ARHGAP8: variants seen among roughly 807,000 people sequenced by gnomAD.
ARHGAP8 encodes rho GTPase-activating protein 8.
In ARHGAP8, 62 loss-of-function variants were observed where a neutral mutation model predicts 46.1. The ratio of observed to expected loss-of-function variants is 1.34; its 90% CI spans 1.10 to 1.66. The LOEUF (loss-of-function observed/expected upper bound fraction) is 1.66. Among genes scored for constraint, ARHGAP8 ranks in the 40% most tolerant of loss-of-function variants. ARHGAP8 has a pLI of 0.00. For synonymous variants in ARHGAP8, 375 were observed against 243.1 expected (o/e 1.54, Z -5.05); for missense variants, 923 against 568.4 (o/e 1.62, Z -6.34).
chr22:44,860,609 T>G (rs963785278), intron 11 of ARHGAP8, among the ~76,000 whole-genome samples: 3 of 147,642 alleles, frequency 2.0e-5, no homozygotes, highest in Admixed American at 6.9e-5. Context: ...CTCTGTGGTC[T>G]ATCTTAGAGG....
chr22:44,813,610 CACTT>C (rs1211839943), intron 4 of ARHGAP8, among the ~76,000 whole-genome samples: 1 of 151,650 alleles, frequency 6.6e-6, no homozygotes, highest in African/African-American at 2.4e-5. Flanking sequence ...CACCTACACA[CACTT>C]ACGCTTACTT....
Position 44,862,540 on chromosome 22 carries a change from T to G in ARHGAP8, c.1247T>G (p.Leu416Arg), listed in dbSNP as rs764103122. 1.2e-6 allele frequency: 2 copies of G among 1,606,594 alleles called. No homozygotes were observed. Among genetic ancestry groups the G allele is most frequent in the South Asian group, 1.1e-5 (1 of 90,754 alleles). ...EAVPRTQATG[L>R]TKPTLPPSPL... ...GTGCCACGGACACAAGCCACGGGCC[T>G]CACCAAGCCTACCCTACCTCCGAGT... Residue 416 changes from leucine to arginine, a missense_variant, in exon 12 of 12, where the codon CTC becomes CGC. Physicochemically the swap from Leu to Arg is moderately radical, Grantham distance 102 (BLOSUM62 -2). Transcript: ENST00000356099.
chr22:44,816,310 C>T (rs1243113308), intron 5 of ARHGAP8, among the ~76,000 whole-genome samples: 1 of 152,150 alleles, frequency 6.6e-6, no homozygotes, highest in Non-Finnish European at 1.5e-5. Context: ...GTCTCCTTCC[C>T]ATTTCCCCAT....
chr22:44,836,620 C>T (rs937805184), intron 7 of ARHGAP8, among the ~76,000 whole-genome samples: 5 of 151,466 alleles, frequency 3.3e-5, no homozygotes, highest in Non-Finnish European at 5.9e-5. Flanking sequence ...GCCCATTTCT[C>T]TGGGCATCCA....
chr22:44,768,093 G>A (rs1299092062), intron 1 of ARHGAP8, among the ~76,000 whole-genome samples: 2 of 128,692 alleles, frequency 1.6e-5, no homozygotes, highest in African/African-American at 5.9e-5. Context: ...TCCACCTCCC[G>A]AGTTCAAGCA....
chr22:44,858,532 G>GTTTTTTT (rs1569184837), intron 10 of ARHGAP8, among the ~76,000 whole-genome samples: 3 of 12,688 alleles, frequency 2.4e-4, no homozygotes, highest in Admixed American at 2.2e-3. Flanking sequence ...ACCATACCCG[G>GTTTTTTT]CTTTTTTTTT....
intron 10 of ARHGAP8, among the ~76,000 whole-genome samples, chr22:44,856,028 G>A (rs2070212382): frequency 6.6e-6 from 1 of 152,042 alleles, no homozygotes; most frequent in Admixed American, 6.6e-5. Context: ...GTGAGGTCAT[G>A]CCACACACTT....
At chr22:44,839,423 C>T (rs2285117) in intron 7 of ARHGAP8, among the ~76,000 whole-genome samples, 37,005 of 152,112 alleles carry the variant, frequency 0.24, 4,661 homozygotes, top group East Asian at 0.42. Flanking sequence ...TTCTAATCAC[C>T]GTTTAAGTGG....
chr22:44,807,302 C>T (rs945242070), intron 3 of ARHGAP8, among the ~76,000 whole-genome samples: 1 of 152,174 alleles, frequency 6.6e-6, no homozygotes, highest in Non-Finnish European at 1.5e-5. Context: ...GATGGCAGGG[C>T]AAGCCCTTTC....
At chr22:44,756,326 G>T (rs1175213811) in intron 1 of ARHGAP8, among the ~76,000 whole-genome samples, 1 of 152,164 alleles carries the variant, frequency 6.6e-6, no homozygotes, top group Non-Finnish European at 1.5e-5. Context: ...GGTTGACCCC[G>T]TGTGGCACTC....
rs949078534 is a variant in ARHGAP8 at position 44,802,088 on chromosome 22, T to G, written c.91T>G (p.Phe31Val). The G allele has an allele frequency of 1.2e-6, 2 of 1,614,142 alleles. No homozygotes were observed. Among genetic ancestry groups the G allele is most frequent in the Admixed American group, 1.7e-5 (1 of 60,026 alleles). ...GTCTGCTCCTCCAGGGGATGACCGC[T>G]TTGGAAGACGTGTTGTCACGTTCAG... ...GILQVAGDDR[F>V]GRRVVTFSCC... Residue 31 changes from phenylalanine to valine, a missense_variant, in exon 3 of 12, where the codon TTT becomes GTT. By Grantham distance (50) the Phe-to-Val change is conservative. Coordinates refer to ENST00000356099, the MANE Select transcript of ARHGAP8 (RefSeq NM_181335.3).
intron 1 of ARHGAP8, among the ~76,000 whole-genome samples, chr22:44,756,487 T>G (rs1265505324): frequency 6.6e-6 from 1 of 152,112 alleles, no homozygotes; most frequent in Non-Finnish European, 1.5e-5. Context: ...GTGGAGAATT[T>G]TAGACACTCA....
intron 6 of ARHGAP8, among the ~76,000 whole-genome samples, chr22:44,823,498 T>G (rs1228470869): frequency 6.6e-6 from 1 of 151,916 alleles, no homozygotes; most frequent in Non-Finnish European, 1.5e-5. Context: ...TTGGTGAACG[T>G]GAAGCTGGAG....
At chr22:44,810,889 TGAG>T (rs1039202925) in intron 4 of ARHGAP8, among the ~76,000 whole-genome samples, 3 of 151,824 alleles carry the variant, frequency 2.0e-5, no homozygotes, top group Non-Finnish European at 2.9e-5. Context: ...GGCAGGTGCT[TGAG>T]GAGAAGCGAG....
intron 10 of ARHGAP8, among the ~76,000 whole-genome samples, chr22:44,854,105 C>T (rs1245293093): frequency 7.0e-6 from 1 of 142,496 alleles, no homozygotes; most frequent in East Asian, 2.1e-4. Flanking sequence ...TGAGAGAATT[C>T]CTCTCTTCTC....
At chr22:44,860,881 G>C (rs1048162747) in intron 11 of ARHGAP8, among the ~76,000 whole-genome samples, 25 of 152,186 alleles carry the variant, frequency 1.6e-4, no homozygotes, top group African/African-American at 5.1e-4. Context: ...AGGAGAGCCT[G>C]AGCAGAGTAG....
In ARHGAP8 at chr22:44,830,242, G is replaced by A. The variant is rs111814551; in HGVS notation, c.596+4649G>A. Reference sequence around the variant, plus strand: ...TTTTGCCGTGTTGGCCAGGCTGGTCGCAAAGTCCTGACCTCAGGTGATCCA... The same window carrying A: ...TTTTGCCGTGTTGGCCAGGCTGGTCACAAAGTCCTGACCTCAGGTGATCCA... On this transcript the variant is annotated intron_variant, in intron 7 of 11. Coordinates refer to ENST00000356099, the MANE Select transcript of ARHGAP8 (RefSeq NM_181335.3). Among the ~76,000 whole-genome samples the A allele has an allele frequency of 5.3e-5, 8 of 151,812 alleles. No homozygotes were observed. In the South Asian group the frequency reaches 6.2e-4, roughly 12 times the overall value.
chr22:44,817,943 C>T (rs150727793), intron 5 of ARHGAP8, among the ~76,000 whole-genome samples: 281 of 152,184 alleles, frequency 1.8e-3, no homozygotes, highest in African/African-American at 6.3e-3. Context: ...GGCGGAACCT[C>T]GCCTCTACAA....
rs773156645 is a variant in ARHGAP8, at chr22:44,862,554, C to G, written c.1261C>G (p.Leu421Val). 2.5e-6 allele frequency: 4 copies of G among 1,600,900 alleles called. No homozygotes were observed. The South Asian group carries it at 3.3e-5, about 13-fold the overall frequency. The change falls in exon 12 of 12, where the codon CTA (leucine) becomes GTA (valine). Residue 421 changes from leucine (L) to valine (V), a missense_variant. By Grantham distance (32) the Leu-to-Val change is conservative. Coordinates refer to ENST00000356099, the MANE Select transcript of ARHGAP8 (RefSeq NM_181335.3). Reference sequence around the variant, plus strand: ...AGCCACGGGCCTCACCAAGCCTACCCTACCTCCGAGTCCCCTGATGGCAGC... The same window carrying G: ...AGCCACGGGCCTCACCAAGCCTACCGTACCTCCGAGTCCCCTGATGGCAGC... ...TQATGLTKPT[L>V]PPSPLMAARR...
Sources: gnomAD v4.1 joint callset for allele counts (sites outside exome capture counted in the v4.1 genomes callset) on GRCh38, gnomAD v4.1.1 for gene constraint, MANE v1.5 for transcripts, NCBI Gene and HGNC (gene_info 2026-07-23, HGNC 2026-07-21) for gene names.